LIG3: variants seen among roughly 807,000 people sequenced by gnomAD.
LIG3 encodes the protein ligase II, DNA, ATP-dependent.
A neutral mutation model predicts 110.9 loss-of-function variants in LIG3; 58 were observed. The observed-to-expected ratio is 0.52, with a 90% CI of 0.42 to 0.65. LIG3 has a LOEUF of 0.65. Ranked by LOEUF, LIG3 falls within the 30% of genes least tolerant of loss-of-function variation. The probability of loss-of-function intolerance (pLI) is 0.00; values close to 1 mark genes in which losing one functional copy is unlikely to be tolerated. For synonymous variants in LIG3, 422 were observed against 472.8 expected (o/e 0.89, Z 1.39); for missense variants, 1,094 against 1,273.8 (o/e 0.86, Z 2.15).
At chr17:35,004,244 AC>A (rs1481874688) in intron 19 of LIG3, 28 bp from the exon 20 acceptor site, 1 of 1,566,988 alleles carries the variant, frequency 6.4e-7, no homozygotes, top group Non-Finnish European at 8.8e-7. Flanking sequence ...TGTAGGTCTG[AC>A]CCCACCCTGA....
chr17:34,986,617 C>T (rs1404030661), intron 3 of LIG3, among the ~76,000 whole-genome samples: 3 of 152,204 alleles, frequency 2.0e-5, no homozygotes, highest in Non-Finnish European at 4.4e-5. Context: ...CCACTGCGCT[C>T]GGCCAGCATT....
chr17:34,986,597 C>T (rs1328663604), intron 3 of LIG3, among the ~76,000 whole-genome samples: 10 of 152,218 alleles, frequency 6.6e-5, no homozygotes. Context: ...GCTGGGATTG[C>T]AGGCGTGAGC....
chr17:34,997,893 C>A, intron 12 of LIG3, 68 bp downstream of exon 12: 1 of 1,143,462 alleles, frequency 8.7e-7, no homozygotes, highest in Non-Finnish European at 1.3e-6. Context: ...CTCCTTGGGT[C>A]AACTGCGACT....
chr17:35,008,147 T>C lies in LIG3; in HGVS notation c.*3641T>C, dbSNP rs2090908779. The C allele has an allele frequency of 1.3e-5, 2 of 152,264 alleles. No homozygotes were observed. The highest frequency in any genetic ancestry group is 4.8e-5 in the African/African-American group (2 of 41,458). The allele number at this position is 152,264 out of a possible 1,614,324, so 9.4% of individuals were successfully genotyped here. On this transcript the variant is annotated 3_prime_UTR_variant, in exon 20 of 20. Coordinates refer to ENST00000378526, the MANE Select transcript of LIG3 (RefSeq NM_013975.4). ...AAGACCTAACTGGGCATACTAACTG[T>C]CCTCAGATTTCAGTTCTTTAAGGCC...
rs2090570155 is a variant in LIG3 at position 34,980,571 on chromosome 17, T to C, written c.-56T>C. 2 of 1,287,232 alleles carry C rather than the reference T, an allele frequency of 1.6e-6. No homozygotes were observed. The highest frequency in any genetic ancestry group is 2.5e-5 in the South Asian group (2 of 80,598). 79.7% of individuals were successfully genotyped at this position (1,287,232 alleles called of 1,614,324 possible). On this transcript the variant is annotated 5_prime_UTR_variant, in exon 1 of 20. Transcript: ENST00000378526. ...CAACCGTCGTGGGCTGCCCGCGGCC[T>C]GTAATGAGCAAGTTCCGAGGCCTAC...
chr17:34,992,057 A>G lies in LIG3; in HGVS notation c.1286+22A>G, dbSNP rs775044903. ...ATGTGTAAGTAGCAGCTCCGCTGAC[A>G]GCCTGAGCTGTCATTTGTTAGCTTT... On this transcript the variant is annotated intron_variant, in intron 7 of 19. Coordinates refer to ENST00000378526, the MANE Select transcript of LIG3 (RefSeq NM_013975.4). 5 of 1,602,436 alleles carry G rather than the reference A, an allele frequency of 3.1e-6. No individual in the cohort carries two copies. In the Admixed American group the frequency reaches 8.3e-5, roughly 27 times the overall value.
At position 35,004,956 on chromosome 17, in the gene LIG3, G is replaced by A; in HGVS notation, c.*450G>A. On this transcript the variant is annotated 3_prime_UTR_variant, in exon 20 of 20. Coordinates refer to ENST00000378526, the MANE Select transcript of LIG3 (RefSeq NM_013975.4). ...GGCTCATTTTAAAGTTGTATTTAAA[G>A]GACTGCCCTCGGAAATGCTTCTGTT... 3.7e-6 allele frequency: 1 copy of A among 273,530 alleles called. No homozygotes were observed. Among genetic ancestry groups the A allele is most frequent in the South Asian group, 4.1e-5 (1 of 24,114 alleles). The allele number at this position is 273,530 out of a possible 1,614,324, so 16.9% of individuals were successfully genotyped here.
chr17:34,985,158 G>A (rs192406250), intron 2 of LIG3, among the ~76,000 whole-genome samples: 1 of 152,176 alleles, frequency 6.6e-6, no homozygotes, highest in East Asian at 1.9e-4. Context: ...ACCTATATAT[G>A]GCTATATATA....
rs1054848748 is a variant in LIG3, at chr17:35,004,291, A to G, written c.2815A>G (p.Thr939Ala). ...TTTGCAGGTATTGCTGGACATCTTC[A>G]CTGGGGTGCGGCTTTACTTGCCACC... ...CQTKVLLDIF[T>A]GVRLYLPPST... Residue 939 changes from threonine (T) to alanine (A), a missense_variant, in exon 20 of 20, where the codon ACT (threonine) becomes GCT (alanine). Coordinates refer to ENST00000378526, the MANE Select transcript of LIG3 (RefSeq NM_013975.4). The G allele has an allele frequency of 6.2e-7, 1 of 1,614,044 alleles. No individual in the cohort carries two copies. Among genetic ancestry groups the G allele is most frequent in the African/African-American group, 1.3e-5 (1 of 75,006 alleles).
At chr17:34,992,388 G>GA (rs1206261907) in intron 7 of LIG3, 136 bp from the exon 8 acceptor site, 5 of 1,020,310 alleles carry the variant, frequency 4.9e-6, no homozygotes, top group Non-Finnish European at 7.2e-6. Context: ...CTCCTCTTGT[G>GA]AAAGTCTTTA....
rs1567682716 is a variant in LIG3 at position 34,980,560 on chromosome 17, T to C, written c.-67T>C. The C allele has an allele frequency of 3.1e-6, 4 of 1,287,638 alleles. No individual in the cohort carries two copies. The highest frequency in any genetic ancestry group is 1.5e-5 in the African/African-American group (1 of 65,746). 79.8% of individuals were successfully genotyped at this position (1,287,638 alleles called of 1,614,324 possible). A position where few individuals can be genotyped will look rare whatever the true frequency, so the allele number is the denominator to read the frequency against. Reference sequence around the variant, plus strand: ...GACAGGCGCTCCAACCGTCGTGGGCTGCCCGCGGCCTGTAATGAGCAAGTT... The same window carrying C: ...GACAGGCGCTCCAACCGTCGTGGGCCGCCCGCGGCCTGTAATGAGCAAGTT... On this transcript the variant is annotated 5_prime_UTR_variant, in exon 1 of 20. Transcript: ENST00000378526.
Position 34,989,639 on chromosome 17 carries a change from T to C in LIG3, c.865T>C (p.Phe289Leu). The C allele has an allele frequency of 6.2e-7, 1 of 1,614,160 alleles. No individual in the cohort carries two copies. Among genetic ancestry groups the C allele is most frequent in the Non-Finnish European group, 8.5e-7 (1 of 1,180,034 alleles). Reference sequence around the variant, plus strand: ...CACGAAGACCCAGATCATCCAGGACTTCCTTCGGAAAGGCTCAGCAGGAGG... The same window carrying C: ...CACGAAGACCCAGATCATCCAGGACCTCCTTCGGAAAGGCTCAGCAGGAGG... ...YNTKTQIIQDFLRKGSAGDGF... is the reference protein window; with the variant it reads ...YNTKTQIIQDLLRKGSAGDGF... The change falls in exon 4 of 20, where the codon TTC becomes CTC. Residue 289 changes from phenylalanine (F) to leucine (L), a missense_variant. Phe to Leu is a conservative substitution (Grantham distance 22, BLOSUM62 0). Transcript: ENST00000378526.
At chr17:35,002,415 T>C (rs923995160) in intron 18 of LIG3, among the ~76,000 whole-genome samples, 1 of 152,182 alleles carries the variant, frequency 6.6e-6, no homozygotes, top group Non-Finnish European at 1.5e-5. Flanking sequence ...CCTATGCTCA[T>C]AGCAGAGAAA....
rs1397646211 is a variant in LIG3 at position 34,991,945 on chromosome 17, T to A, written c.1209-13T>A. 2 of 1,614,168 alleles carry A rather than the reference T, an allele frequency of 1.2e-6. No individual in the cohort carries two copies. Among genetic ancestry groups the A allele is most frequent in the Non-Finnish European group, 1.7e-6 (2 of 1,179,974 alleles). On this transcript the variant is annotated splice_polypyrimidine_tract_variant and intron_variant, in intron 6 of 19. Coordinates refer to ENST00000378526, the MANE Select transcript of LIG3 (RefSeq NM_013975.4). ...CTCTTCAAGACCAAGTTAAATGTGC[T>A]TCATCCCCCTAGGTGTACAGCCAAT... is the stretch of plus-strand genomic sequence containing the variant.
intron 19 of LIG3, chr17:35,003,978 C>T (rs1042264246): frequency 8.3e-6 from 3 of 360,082 alleles, no homozygotes; most frequent in Admixed American, 4.3e-5. Context: ...GCCAGCTCCG[C>T]CTGCCCACCA....
rs2090917004 is a variant in LIG3 at position 35,009,023 on chromosome 17, T to C, written c.*4517T>C. The stretch of plus-strand genomic sequence containing the variant: ...CTCAAGCAGTCTTCCCACCTTGGCC[T>C]CCTAAAGTGTGGAAATTATAGCATG... On this transcript the variant is annotated 3_prime_UTR_variant, in exon 20 of 20. Transcript: ENST00000378526. The C allele has an allele frequency of 6.6e-6, 1 of 152,548 alleles. No individual in the cohort carries two copies. Among genetic ancestry groups the C allele is most frequent in the African/African-American group, 2.4e-5 (1 of 41,448 alleles). 9.4% of individuals were successfully genotyped at this position (152,548 alleles called of 1,614,324 possible).
intron 4 of LIG3, 151 bp from the exon 5 acceptor site, chr17:34,990,812 G>A (rs1397434680): frequency 3.1e-6 from 2 of 645,990 alleles, no homozygotes; most frequent in Non-Finnish European, 5.2e-6. Context: ...TGCCAGGGTG[G>A]TCTCAAACTT....
At chr17:34,984,340 C>CT (rs1470980921) in intron 2 of LIG3, among the ~76,000 whole-genome samples, 1 of 152,152 alleles carries the variant, frequency 6.6e-6, no homozygotes, top group African/African-American at 2.4e-5. Context: ...TCCTCTTTTA[C>CT]TTTTTTTCTT....
At chr17:34,987,327 A>G (rs999703056) in intron 3 of LIG3, among the ~76,000 whole-genome samples, 2 of 152,186 alleles carry the variant, frequency 1.3e-5, no homozygotes, top group African/African-American at 4.8e-5. Context: ...CCTAGACAGT[A>G]CTTTTATTTA....
Sources: allele counts gnomAD v4.1 joint callset (sites outside exome capture counted in the v4.1 genomes callset), GRCh38; gene constraint gnomAD v4.1.1; transcripts MANE v1.5; gene names NCBI Gene and HGNC (gene_info 2026-07-23, HGNC 2026-07-21).